Variants in RBFOX1 observed in about 807,000 individuals in gnomAD.
RBFOX1 encodes RNA binding fox-1 homolog 1.
Under a neutral mutation model 57.7 loss-of-function variants are expected in RBFOX1, and 8 were observed. The ratio of observed to expected loss-of-function variants is 0.14; its 90% confidence interval spans 0.08 to 0.25. The LOEUF (loss-of-function observed/expected upper bound fraction) is 0.25. Ranked by LOEUF, RBFOX1 falls within the 10% of genes least tolerant of loss-of-function variation. The pLI, the probability that RBFOX1 is intolerant of heterozygous loss-of-function variation, is 1.00. For synonymous variants in RBFOX1, 326 were observed against 222.4 expected (o/e 1.47, Z -4.15); for missense variants, 611 against 548.5 (o/e 1.11, Z -1.14).
intron 4 of RBFOX1, among the ~76,000 whole-genome samples, chr16:7,057,881 G>A (rs1412144382): frequency 2.0e-5 from 3 of 151,976 alleles, no homozygotes; most frequent in African/African-American, 7.2e-5. Context: ...GGTGGCGGGC[G>A]CCTGTAGTCC....
chr16:5,432,480 T>C (rs572193811), intron 1 of RBFOX1, among the ~76,000 whole-genome samples: 2 of 151,964 alleles, frequency 1.3e-5, no homozygotes, highest in Admixed American at 1.3e-4. Context: ...TGGATTAAGT[T>C]AAAGGCTCTT....
chr16:6,677,292 A>G (rs141834174), intron 3 of RBFOX1, among the ~76,000 whole-genome samples: 1 of 152,336 alleles, frequency 6.6e-6, no homozygotes, highest in African/African-American at 2.4e-5. Flanking sequence ...AAGGGTGGTC[A>G]ACACATCTGT....
intron 3 of RBFOX1, among the ~76,000 whole-genome samples, chr16:7,030,288 A>G (rs554538169): frequency 1.3e-5 from 2 of 152,266 alleles, no homozygotes; most frequent in African/African-American, 4.8e-5. Context: ...GGACTTTCAT[A>G]CCCATTTTAC....
intron 2 of RBFOX1, among the ~76,000 whole-genome samples, chr16:5,475,127 C>G (rs1209506556): frequency 6.6e-6 from 1 of 152,194 alleles, no homozygotes; most frequent in East Asian, 1.9e-4. Context: ...GAATCCTAGT[C>G]TTTTAATAGA....
intron 3 of RBFOX1, among the ~76,000 whole-genome samples, chr16:6,689,114 T>G (rs2059861939): frequency 6.6e-6 from 1 of 152,184 alleles, no homozygotes; most frequent in African/African-American, 2.4e-5. Flanking sequence ...GCATATGTCT[T>G]TATAGCAGAA....
chr16:6,978,497 C>T (rs773937798), intron 3 of RBFOX1, among the ~76,000 whole-genome samples: 10 of 152,172 alleles, frequency 6.6e-5, no homozygotes, highest in African/African-American at 2.4e-4. Flanking sequence ...GTATTATTAT[C>T]TCCATTTTAC....
chr16:5,520,758 T>C (rs1290052263), intron 2 of RBFOX1, among the ~76,000 whole-genome samples: 3 of 152,204 alleles, frequency 2.0e-5, no homozygotes, highest in African/African-American at 7.2e-5. Context: ...ACTTAGGCTG[T>C]GTAATTTTGT....
chr16:6,145,446 T>G (rs1355901677), intron 1 of RBFOX1, among the ~76,000 whole-genome samples: 1 of 152,194 alleles, frequency 6.6e-6, no homozygotes, highest in Non-Finnish European at 1.5e-5. Context: ...TTGATGGGCA[T>G]TTAGGTTGAT....
intron 4 of RBFOX1, among the ~76,000 whole-genome samples, chr16:7,491,808 T>C (rs887159313): frequency 6.6e-6 from 1 of 152,062 alleles, no homozygotes; most frequent in African/African-American, 2.4e-5. Context: ...TTAATATATA[T>C]ATATTTAAAA....
intron 1 of RBFOX1, among the ~76,000 whole-genome samples, chr16:5,386,060 G>C (rs1178366484): frequency 1.3e-5 from 2 of 151,500 alleles, no homozygotes; most frequent in African/African-American, 4.9e-5. Flanking sequence ...TGTTTGCCAA[G>C]ATGGAATAAT....
chr16:5,783,002 AAATACTCTTTG>A (rs1432209414), intron 3 of RBFOX1, among the ~76,000 whole-genome samples: 1 of 152,192 alleles, frequency 6.6e-6, no homozygotes, highest in African/African-American at 2.4e-5. Context: ...CCACTGATTT[AAATACTCTTTG>A]CATCCCCCCA....
intron 1 of RBFOX1, among the ~76,000 whole-genome samples, chr16:6,253,462 C>T (rs2097638240): frequency 4.6e-5 from 7 of 152,130 alleles, no homozygotes; most frequent in Admixed American, 4.6e-4. Context: ...GCCAGAGGCT[C>T]GTTTTCCAAA....
intron 1 of RBFOX1, among the ~76,000 whole-genome samples, chr16:5,459,310 C>T (rs1010964169): frequency 3.3e-5 from 5 of 152,310 alleles, no homozygotes; most frequent in East Asian, 1.9e-4. Context: ...AGCTCCAGCT[C>T]GCCTATTCAG....
intron 2 of RBFOX1, among the ~76,000 whole-genome samples, chr16:6,616,063 G>A (rs2098136647): frequency 6.6e-6 from 1 of 152,166 alleles, no homozygotes; most frequent in East Asian, 1.9e-4. Context: ...TGTCATCGGT[G>A]TGGAGGGCTG....
chr16:5,929,873 A>G (rs1024818787), intron 4 of RBFOX1, among the ~76,000 whole-genome samples: 2 of 148,782 alleles, frequency 1.3e-5, no homozygotes, highest in African/African-American at 5.0e-5. Context: ...CTGAGAGTCC[A>G]GAAAAGGAGA....
At chr16:6,852,950 G>A (rs1340974807) in intron 3 of RBFOX1, among the ~76,000 whole-genome samples, 3 of 152,218 alleles carry the variant, frequency 2.0e-5, no homozygotes, top group Non-Finnish European at 2.9e-5. Flanking sequence ...CTGGGACTGT[G>A]TTGATGACAT....
intron 4 of RBFOX1, among the ~76,000 whole-genome samples, chr16:5,903,834 A>G (rs972276842): frequency 6.6e-6 from 1 of 152,126 alleles, no homozygotes; most frequent in African/African-American, 2.4e-5. Context: ...TTTCATTGCG[A>G]GGGACCATAG....
chr16:6,350,459 A>C (rs972643653), intron 2 of RBFOX1, among the ~76,000 whole-genome samples: 1 of 9,420 alleles, frequency 1.1e-4, no homozygotes, highest in Non-Finnish European at 4.0e-4. Flanking sequence ...AAAAAAAAAA[A>C]AAAAAAAAAA....
At chr16:6,941,224 A>C (rs1199656722) in intron 3 of RBFOX1, among the ~76,000 whole-genome samples, 44 of 120,526 alleles carry the variant, frequency 3.7e-4, no homozygotes, top group East Asian at 5.5e-4. Context: ...CCCTCCCATT[A>C]CCTCCCTCCC....
Sources: gnomAD v4.1 joint callset for allele counts (sites outside exome capture counted in the v4.1 genomes callset) on GRCh38, gnomAD v4.1.1 for gene constraint, MANE v1.5 for transcripts, NCBI Gene and HGNC (gene_info 2026-07-23, HGNC 2026-07-21) for gene names.